Variants in VNN1 observed in about 807,000 individuals in gnomAD.
VNN1 encodes vanin 1.
VNN1 carries 29 observed loss-of-function variants against 41.9 expected under a neutral mutation model. The observed-to-expected ratio is 0.69, with a 90% CI of 0.52 to 0.94. The LOEUF is 0.94. Among genes scored for constraint, VNN1 ranks in the 40% least tolerant of loss-of-function variants. The pLI, the probability that VNN1 is intolerant of heterozygous loss-of-function variation, is 0.00. For missense variants in VNN1, 637 were observed against 621.1 expected (o/e 1.03, Z -0.27); for synonymous variants, 233 against 224.4 (o/e 1.04, Z -0.34).
chr6:132,709,765 G>T (rs766936741), intron 2 of VNN1, among the ~76,000 whole-genome samples: 1 of 152,098 alleles, frequency 6.6e-6, no homozygotes, highest in Non-Finnish European at 1.5e-5. Context: ...TCCTTGAAAT[G>T]AAGTGAATGG....
intron 5 of VNN1, among the ~76,000 whole-genome samples, chr6:132,688,306 T>C (rs1320336341): frequency 6.6e-6 from 1 of 152,222 alleles, no homozygotes; most frequent in Non-Finnish European, 1.5e-5. Context: ...TGTTTGATTC[T>C]GGGTATTTTC....
rs985103543 is a variant in VNN1, at chr6:132,681,063, C to T, written c.*2077G>A. On this transcript the variant is annotated 3_prime_UTR_variant, in exon 7 of 7. Coordinates refer to ENST00000367928, the MANE Select transcript of VNN1 (RefSeq NM_004666.3). ...TCACTATGATAGCATCCAAAATGGC[C>T]CCCATGAAGCCCCACCTCCTGATAT... 1.3e-5 allele frequency among the ~76,000 whole-genome samples: 2 copies of T among 151,878 alleles called. No individual in the cohort carries two copies. The highest frequency in any genetic ancestry group is 4.8e-5 in the African/African-American group (2 of 41,328).
chr6:132,700,906 G>T (rs1778440911), intron 2 of VNN1, among the ~76,000 whole-genome samples: 1 of 152,080 alleles, frequency 6.6e-6, no homozygotes, highest in African/African-American at 2.4e-5. Context: ...CCATAGCCCT[G>T]CTCTATAGAT....
At position 132,693,247 on chromosome 6, in the gene VNN1, G is replaced by A; in HGVS notation, c.603C>T (p.Thr201=). 6.2e-7 allele frequency: 1 copy of A among 1,613,752 alleles called. No homozygotes were observed. The highest frequency in any genetic ancestry group is 2.2e-5 in the East Asian group (1 of 44,844). The change falls in exon 4 of 7, where the codon ACC becomes ACT. Residue 201 remains threonine, a synonymous_variant. Transcript: ENST00000367928. ...PKEPEIVTFN[T]TFGSFGIFTC... ...TGAAAATGCCAAAACTTCCAAAGGT[G>A]GTATTGAAAGTCACAATCTCAGGCT...
At chr6:132,710,213 C>T (rs1298366216) in intron 2 of VNN1, among the ~76,000 whole-genome samples, 1 of 152,002 alleles carries the variant, frequency 6.6e-6, no homozygotes, top group Non-Finnish European at 1.5e-5. Flanking sequence ...CCACGCCCCA[C>T]TAATTTTTGT....
intron 5 of VNN1, among the ~76,000 whole-genome samples, chr6:132,690,419 T>C (rs919424743): frequency 2.0e-5 from 3 of 152,178 alleles, no homozygotes; most frequent in African/African-American, 7.2e-5. Context: ...CACACCCTTG[T>C]TCATGCTCTT....
chr6:132,695,719 A>G (rs1778359948), intron 2 of VNN1, among the ~76,000 whole-genome samples: 1 of 152,192 alleles, frequency 6.6e-6, no homozygotes, highest in African/African-American at 2.4e-5. Context: ...GCAATTAAAT[A>G]TACAGGGAAA....
Position 132,682,161 on chromosome 6 carries a change from C to T in VNN1, c.*979G>A, listed in dbSNP as rs1271775861. ...CTGGTTTTCTAATTCCAGAGGAATTCAATGATCTAATGGTTTCACTATCAA... is the reference window on the plus strand; with the variant it reads ...CTGGTTTTCTAATTCCAGAGGAATTTAATGATCTAATGGTTTCACTATCAA... On this transcript the variant is annotated 3_prime_UTR_variant, in exon 7 of 7. Transcript: ENST00000367928. The T allele has an allele frequency of 6.6e-6, 1 of 152,178 alleles. No homozygotes were observed. The highest frequency in any genetic ancestry group is 1.5e-5 in the Non-Finnish European group (1 of 68,032). 9.4% of individuals were successfully genotyped at this position (152,178 alleles called of 1,614,324 possible).
chr6:132,693,318 G>T lies in VNN1; in HGVS notation c.535-3C>A, dbSNP rs764986306. The T allele has an allele frequency of 1.9e-6, 3 of 1,590,714 alleles. No homozygotes were observed. Among genetic ancestry groups the T allele is most frequent in the Admixed American group, 1.8e-5 (1 of 55,504 alleles). On this transcript the variant is annotated splice_region_variant and splice_polypyrimidine_tract_variant and intron_variant, in intron 3 of 6. Transcript: ENST00000367928. ...TTTTCACCCATGAAAAGGTTTTGCT[G>T]CAATAAACAGAAGATAAAGAGAAAA...
intron 6 of VNN1, 43 bp from the exon 7 acceptor site, chr6:132,683,365 T>C: frequency 6.4e-7 from 1 of 1,562,136 alleles, no homozygotes; most frequent in South Asian, 1.2e-5. Context: ...CTTCAAGTTT[T>C]ACAATCCCAT....
At chr6:132,712,612 T>G (rs1272673844) in intron 1 of VNN1, among the ~76,000 whole-genome samples, 2 of 152,142 alleles carry the variant, frequency 1.3e-5, no homozygotes, top group African/African-American at 2.4e-5. Flanking sequence ...GTTTATTTCC[T>G]CCTCTGCCCT....
At chr6:132,700,447 C>G (rs892656818) in intron 2 of VNN1, among the ~76,000 whole-genome samples, 13 of 152,204 alleles carry the variant, frequency 8.5e-5, no homozygotes, top group African/African-American at 2.9e-4. Flanking sequence ...CCACCACTAC[C>G]CCTGGCCTGT....
intron 2 of VNN1, among the ~76,000 whole-genome samples, chr6:132,711,181 G>T (rs1267749669): frequency 6.6e-6 from 1 of 152,192 alleles, no homozygotes. Context: ...AGGTGTATAA[G>T]ATATTGGTTT....
intron 2 of VNN1, among the ~76,000 whole-genome samples, chr6:132,707,391 T>C (rs192473513): frequency 5.5e-4 from 83 of 152,242 alleles, no homozygotes; most frequent in African/African-American, 1.8e-3. Flanking sequence ...TGAAGGTTTC[T>C]CAAAAAACTA....
At chr6:132,709,972 T>C (rs4897610) in intron 2 of VNN1, among the ~76,000 whole-genome samples, 76,244 of 152,074 alleles carry the variant, frequency 0.5, 21,882 homozygotes, top group African/African-American at 0.79. Context: ...TAAATGATTA[T>C]GATAAATAAC....
At position 132,711,840 on chromosome 6, in the gene VNN1, C is replaced by G. The variant is rs1323563117; in HGVS notation, c.211-1G>C. On this transcript the variant is annotated splice_acceptor_variant, in intron 1 of 6. Coordinates refer to ENST00000367928, the MANE Select transcript of VNN1 (RefSeq NM_004666.3). LOFTEE classifies it high-confidence loss of function. ...CTGGAGTCACAATAATATGCGCACC[C>G]TGTTAAAAATGCAACTTAATCCAAA... 1 of 1,612,788 alleles carries G rather than the reference C, an allele frequency of 6.2e-7. No individual in the cohort carries two copies. Among genetic ancestry groups the G allele is most frequent in the Non-Finnish European group, 8.5e-7 (1 of 1,179,428 alleles).
rs571683320 is a variant in VNN1 at position 132,687,137 on chromosome 6, G to A, written c.1189-2632C>T. On this transcript the variant is annotated intron_variant, in intron 5 of 6. Coordinates refer to ENST00000367928, the MANE Select transcript of VNN1 (RefSeq NM_004666.3). Reference sequence around the variant, plus strand: ...GAAGAAATTCTGCATGCATTCTGGGGAAGGTGTGGAATGAGGAATACACAT... The same window carrying A: ...GAAGAAATTCTGCATGCATTCTGGGAAAGGTGTGGAATGAGGAATACACAT... 2.0e-5 allele frequency among the ~76,000 whole-genome samples: 3 copies of A among 152,174 alleles called. No individual in the cohort carries two copies. In the East Asian group the frequency reaches 5.8e-4, roughly 29 times the overall value.
chr6:132,686,008 G>C (rs902971618), intron 5 of VNN1, among the ~76,000 whole-genome samples: 1 of 152,134 alleles, frequency 6.6e-6, no homozygotes, highest in African/African-American at 2.4e-5. Context: ...TGTCAGCAAG[G>C]ATTTATCTTT....
chr6:132,711,882 G>A (rs752489818), intron 1 of VNN1, 43 bp from the exon 2 acceptor site: 4 of 1,601,884 alleles, frequency 2.5e-6, no homozygotes, highest in South Asian at 2.2e-5. Flanking sequence ...CCTGCAAGAG[G>A]AGCTGAGGAG....
Sources: allele counts gnomAD v4.1 joint callset (sites outside exome capture counted in the v4.1 genomes callset), GRCh38; gene constraint gnomAD v4.1.1; transcripts MANE v1.5; gene names NCBI Gene and HGNC (gene_info 2026-07-23, HGNC 2026-07-21).